Variants in DYSF observed in about 807,000 individuals in gnomAD.
DYSF encodes dysferlin.
In DYSF, 212 loss-of-function variants were observed where a neutral mutation model predicts 274.9. The ratio of observed to expected loss-of-function variants is 0.77; its 90% CI spans 0.69 to 0.86. The LOEUF is 0.86. DYSF is among the 40% of genes least tolerant of loss of function. The pLI is 0.00. For missense variants in DYSF, 2,666 were observed against 2,783.2 expected, an observed-to-expected ratio of 0.96 and a Z score of 0.95; for synonymous variants, 1,091 against 1,078.7, an observed-to-expected ratio of 1.01 and a Z score of -0.22.
At chr2:71,492,696 C>A (rs1047437147) in intron 3 of DYSF, among the ~76,000 whole-genome samples, 1 of 101,906 alleles carries the variant, frequency 9.8e-6, no homozygotes, top group East Asian at 2.7e-4. Flanking sequence ...TATCTCCCTT[C>A]CTCCCCCCCC....
chr2:71,626,384 C>T (rs2094207219), intron 41 of DYSF, among the ~76,000 whole-genome samples: 1 of 150,550 alleles, frequency 6.6e-6, no homozygotes, highest in South Asian at 2.1e-4. Flanking sequence ...TAATTTTGCT[C>T]CTTTAACCTG....
chr2:71,666,039 C>A (rs886112355), intron 47 of DYSF, among the ~76,000 whole-genome samples: 1 of 151,900 alleles, frequency 6.6e-6, no homozygotes, highest in Non-Finnish European at 1.5e-5. Context: ...CCCCCATCCC[C>A]CACCCCCTCC....
rs34211915 is a variant in DYSF at position 71,570,632 on chromosome 2, G to A, written c.3119G>A (p.Arg1040Gln). The change falls in exon 29 of 56, where the codon CGG (arginine) becomes CAG (glutamine). Residue 1040 changes from arginine to glutamine, a missense_variant. Arg to Gln is a conservative substitution (Grantham distance 43). Around this residue, in one of 3 missense-constraint regions of DYSF, gnomAD observed 1,460 missense variants for 1,502.1 expected, o/e 0.97. Transcript: ENST00000410020. The part of the protein sequence containing the change: ...WEYSITIPPE[R>Q]KPKHWVPAEK... ...TATAGCATCACCATCCCCCCGGAGC[G>A]GAAGCCGAAGCACTGGGTCCCTGCT... is the stretch of plus-strand genomic sequence containing the variant. 0.021 allele frequency: 34,340 copies of A among 1,614,056 alleles called. 446 individuals are homozygous for A. The highest frequency in any genetic ancestry group is 0.035 in the African/African-American group (2,623 of 75,032).
Position 71,520,826 on chromosome 2 carries a change from C to T in DYSF, c.1071C>T (p.Asp357=). 1.9e-6 allele frequency: 3 copies of T among 1,614,080 alleles called. No individual in the cohort carries two copies. The highest frequency in any genetic ancestry group is 2.5e-6 in the Non-Finnish European group (3 of 1,180,012). Residue 357 remains aspartate (D), a synonymous_variant, in exon 12 of 56, where the codon GAC becomes GAT. Transcript: ENST00000410020. Reference sequence around the variant, plus strand: ...TCAGGAAGTGGCTGCTGCTCTCAGACCCTGATGACTTCTCTGCTGGGGCCA... The same window carrying T: ...TCAGGAAGTGGCTGCTGCTCTCAGATCCTGATGACTTCTCTGCTGGGGCCA... ...AYLRKWLLLS[D]PDDFSAGARG... is the part of the protein sequence containing the mutation.
In DYSF at chr2:71,454,124, G is replaced by C. The variant is rs184949469; in HGVS notation, c.88+38G>C. 23 of 1,597,652 alleles carry C rather than the reference G, an allele frequency of 1.4e-5. No individual in the cohort carries two copies. The South Asian group carries it at 2.2e-4, about 16-fold the overall frequency. ...GACCACCCTCGCCCGGGGTCGGGGTGGGGTAGAGGAGGGGACGCCGCGGCT... is the reference window on the plus strand; with the variant it reads ...GACCACCCTCGCCCGGGGTCGGGGTCGGGTAGAGGAGGGGACGCCGCGGCT... On this transcript the variant is annotated intron_variant, in intron 1 of 54. Coordinates refer to the DYSF transcript ENST00000258104.
At chr2:71,503,345 G>T in intron 4 of DYSF, 26 bp downstream of exon 4, 1 of 1,612,274 alleles carries the variant, frequency 6.2e-7, no homozygotes, top group Non-Finnish European at 8.5e-7. Flanking sequence ...CCTCTGCCAG[G>T]TTAAGGTCCA....
chr2:71,626,447 C>CAT (rs3079124), intron 41 of DYSF, among the ~76,000 whole-genome samples: 71,608 of 149,616 alleles, frequency 0.48, 17,444 homozygotes, highest in Admixed American at 0.57. Flanking sequence ...AATATATTTA[C>CAT]ATATGTTAAT....
intron 47 of DYSF, among the ~76,000 whole-genome samples, chr2:71,666,373 G>C (rs1349503097): frequency 6.6e-6 from 1 of 152,272 alleles, no homozygotes; most frequent in Admixed American, 6.5e-5. Flanking sequence ...GGCAGAGCCA[G>C]GTTCCTGGCC....
At chr2:71,541,551 CT>C (rs1463612904) in intron 17 of DYSF, among the ~76,000 whole-genome samples, 1 of 151,076 alleles carries the variant, frequency 6.6e-6, no homozygotes, top group Non-Finnish European at 1.5e-5. Flanking sequence ...TATTTTAAAA[CT>C]TTATTGGACT....
intron 30 of DYSF, among the ~76,000 whole-genome samples, chr2:71,574,713 G>T (rs2092642970): frequency 6.6e-6 from 1 of 152,236 alleles, no homozygotes; most frequent in Non-Finnish European, 1.5e-5. Flanking sequence ...CCCATGGGAG[G>T]AGTGAGAGAG....
At position 71,488,725 on chromosome 2, in the gene DYSF, G is replaced by A. The variant is rs555264152; in HGVS notation, c.239+6755G>A. On this transcript the variant is annotated intron_variant, in intron 3 of 55. Coordinates refer to ENST00000410020, the MANE Select transcript of DYSF (RefSeq NM_001130987.2). ...TCTAGTCAGGATTGCCTTTAAAGAC[G>A]CTCTCTTAGGTGTTCACAGTGGCAT... Among the ~76,000 whole-genome samples, 16 of 152,194 alleles carry A rather than the reference G, an allele frequency of 1.1e-4. No homozygotes were observed. The South Asian group carries it at 2.9e-3, about 28-fold the overall frequency.
At chr2:71,607,157 G>A (rs2093662815) in intron 36 of DYSF, among the ~76,000 whole-genome samples, 2 of 152,228 alleles carry the variant, frequency 1.3e-5, no homozygotes, top group East Asian at 3.9e-4. Flanking sequence ...CTTAAGCTTG[G>A]GGCACCAGGA....
At chr2:71,606,503 G>A (rs1354779891) in intron 36 of DYSF, among the ~76,000 whole-genome samples, 5 of 152,062 alleles carry the variant, frequency 3.3e-5, no homozygotes, top group East Asian at 3.9e-4. Context: ...AGTGAGGGTC[G>A]CAGCACCCTC....
At position 71,511,907 on chromosome 2, in the gene DYSF, T is replaced by C. The variant is rs1361466427; in HGVS notation, c.446T>C (p.Leu149Pro). ...PLEPSPTLPD[L>P]DVVAGGGQSR... ...GAGCCCTCCCCGACTCTGCCTGACC[T>C]GGATGTAGTGGCAGGTGGGTAGCCC... The change falls in exon 5 of 56, where the codon CTG (leucine) becomes CCG (proline). Residue 149 changes from leucine (L) to proline (P), a missense_variant. Physicochemically the swap from Leu to Pro is moderately conservative, Grantham distance 98. Around this residue, in one of 3 missense-constraint regions of DYSF, gnomAD observed 794 missense variants for 777.1 expected, o/e 1.02. Transcript: ENST00000410020. 1.3e-6 allele frequency: 2 copies of C among 1,547,006 alleles called. No individual in the cohort carries two copies. The highest frequency in any genetic ancestry group is 1.7e-6 in the Non-Finnish European group (2 of 1,143,304).
intron 34 of DYSF, chr2:71,601,162 C>T (rs1053989772): frequency 3.4e-6 from 2 of 586,668 alleles, no homozygotes; most frequent in Non-Finnish European, 6.1e-6. Context: ...GGCAGGATCC[C>T]CGTTGCATTG....
At chr2:71,565,266 A>ATTTTTTTTTTTTTTTTTTTTT (rs1236133814) in intron 24 of DYSF, among the ~76,000 whole-genome samples, 6 of 113,806 alleles carry the variant, frequency 5.3e-5, no homozygotes, top group African/African-American at 1.8e-4. Flanking sequence ...TTTTTTTTTA[A>ATTTTTTTTTTTTTTTTTTTTT]TTTTAGTGGA....
At chr2:71,519,177 G>A (rs534653604) in intron 10 of DYSF, among the ~76,000 whole-genome samples, 19 of 150,344 alleles carry the variant, frequency 1.3e-4, no homozygotes, top group African/African-American at 4.2e-4. Flanking sequence ...TTGTCTTTGC[G>A]CTGTCTTCTC....
Position 71,677,468 on chromosome 2 carries a change from G to C in DYSF, c.5885-1589G>C, listed in dbSNP as rs564915102. On this transcript the variant is annotated intron_variant, in intron 52 of 55. Coordinates refer to ENST00000410020, the MANE Select transcript of DYSF (RefSeq NM_001130987.2). Reference sequence around the variant, plus strand: ...ACCACATGAAATTGCTGTTTAAATGGGTCAAAGATAGTTAAATACAAGAAT... The same window carrying C: ...ACCACATGAAATTGCTGTTTAAATGCGTCAAAGATAGTTAAATACAAGAAT... Among the ~76,000 whole-genome samples, 3 of 152,144 alleles carry C rather than the reference G, an allele frequency of 2.0e-5. No individual in the cohort carries two copies. The East Asian group carries it at 5.8e-4, about 29-fold the overall frequency.
At chr2:71,631,636 G>C (rs912455496) in intron 41 of DYSF, among the ~76,000 whole-genome samples, 3 of 152,146 alleles carry the variant, frequency 2.0e-5, no homozygotes, top group Non-Finnish European at 2.9e-5. Context: ...AGGGAATCAG[G>C]GCCGAAATCT....
Sources: gnomAD v4.1 joint callset for allele counts (sites outside exome capture counted in the v4.1 genomes callset) on GRCh38, gnomAD v4.1.1 for gene constraint, gnomAD v4.1.1 regional missense constraint, MANE v1.5 for transcripts, NCBI Gene and HGNC (gene_info 2026-07-23, HGNC 2026-07-21) for gene names.